The following B4GALNT2 variants were observed in gnomAD, a reference collection of about 807,000 sequenced individuals.
The protein encoded by B4GALNT2 is N-acetylneuraminylgalactosylglucosyl-glucoside beta-1,4-N- acetylgalactosaminyltransferase 2.
Under a neutral mutation model 51.1 loss-of-function variants are expected in B4GALNT2, and 42 were observed. The ratio of observed to expected loss-of-function variants is 0.82; its 90% confidence interval spans 0.64 to 1.06. The LOEUF (loss-of-function observed/expected upper bound fraction) is 1.06. Among genes scored for constraint, B4GALNT2 ranks in the 50% least tolerant of loss-of-function variants. The pLI is 0.00. For synonymous variants in B4GALNT2, 253 were observed against 251.7 expected (o/e 1.01, Z -0.05); for missense variants, 602 against 633.6 (o/e 0.95, Z 0.54).
chr17:49,156,643 T>A (rs368743153), intron 5 of B4GALNT2, 40 bp downstream of exon 5: 1 of 1,604,028 alleles, frequency 6.2e-7, no homozygotes, highest in Admixed American at 1.7e-5. Flanking sequence ...CTTGGTGTCC[T>A]GTCCTCATTC....
At chr17:49,145,086 T>C (rs140631648) in intron 3 of B4GALNT2, among the ~76,000 whole-genome samples, 312 of 152,220 alleles carry the variant, frequency 2.0e-3, no homozygotes, top group Middle Eastern at 3.4e-3. Flanking sequence ...AATATCAGTC[T>C]CCTTTGGCAA....
At chr17:49,140,187 G>C (rs1461747191) in intron 1 of B4GALNT2, among the ~76,000 whole-genome samples, 2 of 150,678 alleles carry the variant, frequency 1.3e-5, no homozygotes, top group Admixed American at 1.3e-4. Flanking sequence ...TGCGACCTCC[G>C]CCTCCCAGGT....
chr17:49,162,334 C>T (rs1215994959), intron 7 of B4GALNT2, among the ~76,000 whole-genome samples: 2 of 152,134 alleles, frequency 1.3e-5, no homozygotes, highest in South Asian at 2.1e-4. Flanking sequence ...TTCAGTAACA[C>T]TTTTAGCCAT....
At chr17:49,130,511 G>A (rs999886266), upstream of B4GALNT2, among the ~76,000 whole-genome samples, 1 of 152,190 alleles carries the variant, frequency 6.6e-6, no homozygotes, top group African/African-American at 2.4e-5. Flanking sequence ...GGTGGTGCAT[G>A]CCTATAATCC....
Position 49,172,867 on chromosome 17 carries a change from C to T in B4GALNT2, c.*3139C>T, listed in dbSNP as rs1224474047. 4.6e-5 allele frequency: 7 copies of T among 152,254 alleles called. No individual in the cohort carries two copies. Among genetic ancestry groups the T allele is most frequent in the East Asian group, 3.9e-4 (2 of 5,180 alleles). 9.4% of individuals were successfully genotyped at this position (152,254 alleles called of 1,614,324 possible). On this transcript the variant is annotated 3_prime_UTR_variant, in exon 11 of 11. Coordinates refer to ENST00000393354, the MANE Select transcript of B4GALNT2 (RefSeq NM_001159387.2). The stretch of plus-strand genomic sequence containing the variant: ...CATGTACATAAGCTAGTCTCCCAAA[C>T]GAGGGAACATGTGTGACATCCATTT...
upstream of B4GALNT2, chr17:49,132,751 G>C: frequency 3.6e-6 from 5 of 1,390,386 alleles, no homozygotes; most frequent in East Asian, 3.0e-5. Context: ...CTGGCTGCTA[G>C]GCTCCGTGAC....
Position 49,150,801 on chromosome 17 carries a change from C to G in B4GALNT2, c.354-1999C>G, listed in dbSNP as rs541054972. Among the ~76,000 whole-genome samples, 23 of 149,116 alleles carry G rather than the reference C, an allele frequency of 1.5e-4. No homozygotes were observed. In the South Asian group the frequency reaches 4.3e-3, roughly 28 times the overall value. ...CAAACACTGCGGAAGGCCGCAGGGT[C>G]CTCTGCCTAGGAAAACCAGAGACCT... On this transcript the variant is annotated intron_variant, in intron 3 of 10. Transcript: ENST00000393354.
chr17:49,164,571 A>G (rs2042894461), intron 8 of B4GALNT2, among the ~76,000 whole-genome samples: 1 of 143,804 alleles, frequency 7.0e-6, no homozygotes, highest in Admixed American at 7.3e-5. Context: ...GCATGATCTC[A>G]GCTCACTGCA....
At chr17:49,122,036 G>A in the B4GALNT2 span, among the ~76,000 whole-genome samples, 1 of 152,160 alleles carries the variant, frequency 6.6e-6, no homozygotes, top group Non-Finnish European at 1.5e-5. Context: ...CACAGGCTTG[G>A]AATGTTTCTG....
chr17:49,156,739 A>T, intron 5 of B4GALNT2, 136 bp downstream of exon 5: 1 of 998,564 alleles, frequency 1.0e-6, no homozygotes, highest in African/African-American at 1.6e-5. Context: ...AGGGGATGGA[A>T]GGGTGTGTAG....
At position 49,141,313 on chromosome 17, in the gene B4GALNT2, G is replaced by A. The variant is rs1289459937; in HGVS notation, c.81G>A (p.Met27Ile). The A allele has an allele frequency of 6.2e-7, 1 of 1,614,108 alleles. No individual in the cohort carries two copies. Among genetic ancestry groups the A allele is most frequent in the African/African-American group, 1.3e-5 (1 of 75,020 alleles). Residue 27 changes from methionine to isoleucine, a missense_variant, in exon 2 of 11, where the codon ATG becomes ATA. Transcript: ENST00000393354. ...IILVLGIVGF[M>I]FGSMFLQAVF... is the part of the protein sequence containing the mutation. ...TGGTACTTGGCATTGTTGGATTTATGTTCGGAAGCATGTTCCTTCAAGCAG... is the reference window on the plus strand; with the variant it reads ...TGGTACTTGGCATTGTTGGATTTATATTCGGAAGCATGTTCCTTCAAGCAG...
intron 1 of B4GALNT2, among the ~76,000 whole-genome samples, chr17:49,138,812 G>A (rs1186659282): frequency 2.6e-5 from 4 of 152,206 alleles, no homozygotes; most frequent in African/African-American, 7.2e-5. Flanking sequence ...AGGAGGTGGA[G>A]GTTGCAGTGA....
At chr17:49,160,793 TA>T in intron 7 of B4GALNT2, 152 bp downstream of exon 7, 1 of 690,324 alleles carries the variant, frequency 1.4e-6, no homozygotes, top group Non-Finnish European at 2.4e-6. Context: ...AAAAAAACTC[TA>T]AGACACAATC....
chr17:49,156,664 G>GTGTTTT, intron 5 of B4GALNT2, 61 bp downstream of exon 5: 1 of 1,572,184 alleles, frequency 6.4e-7, no homozygotes, highest in East Asian at 2.3e-5. Flanking sequence ...CCTCAACTGT[G>GTGTTTT]GCTGCTCTCA....
chr17:49,141,223 A>T, intron 1 of B4GALNT2, 24 bp from the exon 2 acceptor site: 1 of 1,599,128 alleles, frequency 6.3e-7, no homozygotes, highest in South Asian at 1.1e-5. Flanking sequence ...TTTTAACATA[A>T]TCTGTTCTTT....
intron 5 of B4GALNT2, 69 bp from the exon 6 acceptor site, chr17:49,158,968 G>A: frequency 1.3e-6 from 2 of 1,535,864 alleles, no homozygotes; most frequent in Non-Finnish European, 8.9e-7. Flanking sequence ...GCCTGGGTAT[G>A]TATGTATCTT....
At chr17:49,121,185 G>A in the B4GALNT2 span, among the ~76,000 whole-genome samples, 13 of 152,308 alleles carry the variant, frequency 8.5e-5, no homozygotes, top group African/African-American at 3.1e-4. Flanking sequence ...AATGAATGGT[G>A]CCTACTCTGA....
intron 1 of B4GALNT2, among the ~76,000 whole-genome samples, chr17:49,133,783 A>T (rs771643612): frequency 4.6e-5 from 7 of 151,994 alleles, no homozygotes; most frequent in Admixed American, 2.6e-4. Flanking sequence ...TGTGGTGGCA[A>T]GTGCCTGTAA....
intron 8 of B4GALNT2, 43 bp from the exon 9 acceptor site, chr17:49,166,071 T>A: frequency 6.3e-7 from 1 of 1,593,380 alleles, no homozygotes; most frequent in Non-Finnish European, 8.6e-7. Context: ...GATTCTAATA[T>A]GTAATATGGG....
Sources: allele counts gnomAD v4.1 joint callset (sites outside exome capture counted in the v4.1 genomes callset), GRCh38; gene constraint gnomAD v4.1.1; transcripts MANE v1.5; gene names NCBI Gene and HGNC (gene_info 2026-07-23, HGNC 2026-07-21).